Variants in NLGN1 observed in about 807,000 individuals in gnomAD.
The protein encoded by NLGN1 is neuroligin-1.
In NLGN1, 12 loss-of-function variants were observed where a neutral mutation model predicts 65.5. That is an observed-to-expected ratio of 0.18 (90% CI 0.12 to 0.30). The LOEUF (loss-of-function observed/expected upper bound fraction) is 0.30, where lower values mean the gene tolerates loss of function less well. Among genes scored for constraint, NLGN1 ranks in the 10% least tolerant of loss-of-function variants. The pLI, the probability that NLGN1 is intolerant of heterozygous loss-of-function variation, is 1.00. For synonymous variants in NLGN1, 350 were observed against 359.5 expected (o/e 0.97, Z 0.30); for missense variants, 750 against 1,007.1 (o/e 0.74, Z 3.46).
At chr3:173,864,017 A>G (rs905480838) in intron 4 of NLGN1, among the ~76,000 whole-genome samples, 2 of 152,222 alleles carry the variant, frequency 1.3e-5, no homozygotes, top group East Asian at 3.9e-4. Context: ...TGGAAGAATA[A>G]TGATCTGTCT....
chr3:173,983,671 C>T (rs1719257591), intron 4 of NLGN1, among the ~76,000 whole-genome samples: 1 of 152,100 alleles, frequency 6.6e-6, no homozygotes, highest in South Asian at 2.1e-4. Flanking sequence ...ACAGCTCTTC[C>T]TTTGCCTGGA....
chr3:174,229,072 G>A (rs1158014689), intron 4 of NLGN1, among the ~76,000 whole-genome samples: 1 of 152,064 alleles, frequency 6.6e-6, no homozygotes, highest in East Asian at 1.9e-4. Context: ...TCCTGGCTGC[G>A]TAAACCTGGA....
At chr3:174,062,655 T>C (rs1487642483) in intron 4 of NLGN1, among the ~76,000 whole-genome samples, 3 of 152,068 alleles carry the variant, frequency 2.0e-5, no homozygotes, top group Non-Finnish European at 1.5e-5. Flanking sequence ...TCATATAGCC[T>C]TGTTATTCAG....
intron 1 of NLGN1, among the ~76,000 whole-genome samples, chr3:173,424,572 A>C (rs1306409782): frequency 6.6e-6 from 1 of 152,194 alleles, no homozygotes; most frequent in Non-Finnish European, 1.5e-5. Context: ...TCCAGCAGAT[A>C]CCCTAAATCA....
chr3:173,830,007 T>TCGGGGGCGGGG (rs1553863519), intron 4 of NLGN1, among the ~76,000 whole-genome samples: 1 of 128,638 alleles, frequency 7.8e-6, no homozygotes, highest in African/African-American at 3.2e-5. Context: ...GTGGGTAGTG[T>TCGGGGGCGGGG]GGGGGGGGGA....
intron 2 of NLGN1, among the ~76,000 whole-genome samples, chr3:173,479,602 T>C (rs898437735): frequency 6.6e-6 from 1 of 152,162 alleles, no homozygotes; most frequent in Non-Finnish European, 1.5e-5. Flanking sequence ...TGTTGGTATA[T>C]CAACCCAGAG....
chr3:173,942,378 A>G (rs775187737), intron 4 of NLGN1, among the ~76,000 whole-genome samples: 5 of 152,142 alleles, frequency 3.3e-5, no homozygotes, highest in Admixed American at 6.6e-5. Flanking sequence ...AAGCAGGATC[A>G]TAAGTGTAAA....
chr3:173,427,487 G>T (rs969743418), intron 1 of NLGN1, among the ~76,000 whole-genome samples: 2 of 151,686 alleles, frequency 1.3e-5, no homozygotes, highest in African/African-American at 4.8e-5. Flanking sequence ...TTGCTATACT[G>T]CATAGGTTTT....
At chr3:174,090,015 A>C (rs1744198578) in intron 4 of NLGN1, among the ~76,000 whole-genome samples, 2 of 152,082 alleles carry the variant, frequency 1.3e-5, no homozygotes, top group African/African-American at 4.8e-5. Flanking sequence ...GCCAAAAGGC[A>C]GTTCTATAAT....
chr3:173,566,703 T>G (rs754123188), intron 2 of NLGN1, among the ~76,000 whole-genome samples: 11 of 152,122 alleles, frequency 7.2e-5, no homozygotes, highest in Non-Finnish European at 1.2e-4. Context: ...GCACTTATCA[T>G]GTTGACTCAT....
chr3:173,787,008 C>A (rs139156194), intron 3 of NLGN1, among the ~76,000 whole-genome samples: 2 of 150,976 alleles, frequency 1.3e-5, no homozygotes. Flanking sequence ...ACCCGTGGGG[C>A]GGAGGTTGCA....
chr3:173,512,626 CAGAA>C (rs1365178149), intron 2 of NLGN1, among the ~76,000 whole-genome samples: 1 of 152,160 alleles, frequency 6.6e-6, no homozygotes, highest in African/African-American at 2.4e-5. Context: ...AGACATTATT[CAGAA>C]AGAACCAATC....
At chr3:173,621,673 A>T (rs910937586) in intron 3 of NLGN1, among the ~76,000 whole-genome samples, 10 of 152,082 alleles carry the variant, frequency 6.6e-5, no homozygotes, top group African/African-American at 2.2e-4. Flanking sequence ...AAGATAACAA[A>T]TTTGAGAGAC....
chr3:173,566,696 C>T (rs1333074690), intron 2 of NLGN1, among the ~76,000 whole-genome samples: 1 of 152,098 alleles, frequency 6.6e-6, no homozygotes, highest in Non-Finnish European at 1.5e-5. Context: ...TGCTTCAGCA[C>T]TTATCATGTT....
chr3:173,461,069 GC>G (rs1723291456), intron 2 of NLGN1, among the ~76,000 whole-genome samples: 1 of 152,140 alleles, frequency 6.6e-6, no homozygotes, highest in East Asian at 1.9e-4. Context: ...AAACTATTGA[GC>G]ACCAGGGCGG....
chr3:173,940,655 T>C (rs937457108), intron 4 of NLGN1, among the ~76,000 whole-genome samples: 2 of 152,120 alleles, frequency 1.3e-5, no homozygotes, highest in African/African-American at 2.4e-5. Flanking sequence ...CATTTGCACA[T>C]AGGGGGACAG....
At chr3:173,478,658 C>T (rs1726697751) in intron 2 of NLGN1, among the ~76,000 whole-genome samples, 1 of 152,156 alleles carries the variant, frequency 6.6e-6, no homozygotes, top group African/African-American at 2.4e-5. Flanking sequence ...CATTGGCTCA[C>T]ACCTGTAATC....
intron 4 of NLGN1, among the ~76,000 whole-genome samples, chr3:174,080,642 TC>T (rs1229109895): frequency 6.6e-6 from 1 of 152,044 alleles, no homozygotes; most frequent in Non-Finnish European, 1.5e-5. Flanking sequence ...TACCAGTCGT[TC>T]CGAGAAGAAG....
intron 4 of NLGN1, among the ~76,000 whole-genome samples, chr3:174,145,696 A>T (rs542428515): frequency 6.6e-6 from 1 of 151,478 alleles, no homozygotes; most frequent in South Asian, 2.1e-4. Context: ...AAAAGACTAG[A>T]TAATGCTCTG....
Sources: gnomAD v4.1 joint callset for allele counts (sites outside exome capture counted in the v4.1 genomes callset) on GRCh38, gnomAD v4.1.1 for gene constraint, MANE v1.5 for transcripts, NCBI Gene and HGNC (gene_info 2026-07-23, HGNC 2026-07-21) for gene names.